Variants in DRICH1 observed in about 807,000 individuals in gnomAD.
DRICH1 encodes aspartate-rich protein 1.
DRICH1 carries 38 observed loss-of-function variants against 39.5 expected under a neutral mutation model. That is an observed-to-expected ratio of 0.96 (90% CI 0.74 to 1.26). The LOEUF is 1.26. DRICH1 is among the 50% of genes most tolerant of loss of function. The probability of loss-of-function intolerance (pLI) is 0.00; values close to 1 mark genes in which losing one functional copy is unlikely to be tolerated. For missense variants in DRICH1, 279 were observed against 270.4 expected, an observed-to-expected ratio of 1.03 and a Z score of -0.22; for synonymous variants, 84 against 99.5, an observed-to-expected ratio of 0.84 and a Z score of 0.93.
chr22:23,623,378 A>G (rs1198912856), intron 3 of DRICH1, among the ~76,000 whole-genome samples: 1 of 152,176 alleles, frequency 6.6e-6, no homozygotes, highest in Non-Finnish European at 1.5e-5. Context: ...GCACCCCAGT[A>G]TGGTGACAGA....
intron 1 of DRICH1, among the ~76,000 whole-genome samples, chr22:23,629,092 G>C (rs1209191654): frequency 1.3e-5 from 2 of 152,174 alleles, no homozygotes; most frequent in African/African-American, 4.8e-5. Flanking sequence ...AGGCTGGAGT[G>C]CAATGGCTCG....
At chr22:23,623,743 A>G (rs2123788653) in intron 3 of DRICH1, 1 of 162,488 alleles carries the variant, frequency 6.2e-6, no homozygotes, top group Non-Finnish European at 1.3e-5. Flanking sequence ...ATGAGATTGA[A>G]ATCTACAAAA....
chr22:23,617,703 T>A, intron 6 of DRICH1, 46 bp from the exon 7 acceptor site: 1 of 1,584,554 alleles, frequency 6.3e-7, no homozygotes, highest in African/African-American at 1.3e-5. Context: ...TGTTTGTGAC[T>A]GTGAGTCACT....
chr22:23,604,324 C>T (rs538217443), downstream of DRICH1, among the ~76,000 whole-genome samples: 4 of 152,242 alleles, frequency 2.6e-5, no homozygotes, highest in South Asian at 4.1e-4. Flanking sequence ...TGGGAGTCCC[C>T]TGCCAGGTGT....
chr22:23,600,057 T>C, the DRICH1 span, among the ~76,000 whole-genome samples: 3 of 152,092 alleles, frequency 2.0e-5, no homozygotes, highest in Non-Finnish European at 4.4e-5. Flanking sequence ...GACAGATATA[T>C]GGATGGACAG....
At chr22:23,619,503 A>G (rs1378207826) in intron 5 of DRICH1, 110 bp from the exon 6 acceptor site, 10 of 723,434 alleles carry the variant, frequency 1.4e-5, no homozygotes, top group Non-Finnish European at 1.8e-5. Context: ...CATTCATGAG[A>G]TTGAAATCTA....
At chr22:23,601,140 A>ACGCG in the DRICH1 span, among the ~76,000 whole-genome samples, 170 of 142,684 alleles carry the variant, frequency 1.2e-3, no homozygotes, top group African/African-American at 3.8e-3. Flanking sequence ...GACCTAACGC[A>ACGCG]CGCGCGCACA....
chr22:23,593,445 A>G, the DRICH1 span, among the ~76,000 whole-genome samples: 2 of 151,888 alleles, frequency 1.3e-5, no homozygotes, highest in African/African-American at 4.8e-5. Flanking sequence ...CGGGCAGATC[A>G]CCTGAGGTCA....
At chr22:23,606,768 C>A (rs1339420359), downstream of DRICH1, among the ~76,000 whole-genome samples, 1 of 152,182 alleles carries the variant, frequency 6.6e-6, no homozygotes, top group African/African-American at 2.4e-5. Flanking sequence ...ACGGCAGATG[C>A]CCCCTGAGAT....
chr22:23,632,462 T>A (rs574980171), upstream of DRICH1: 16 of 231,156 alleles, frequency 6.9e-5, no homozygotes, highest in East Asian at 6.6e-4. Flanking sequence ...TGCCTGTCCC[T>A]GCTGCTGCCC....
At chr22:23,611,529 C>T (rs1284595683) in intron 11 of DRICH1, among the ~76,000 whole-genome samples, 1 of 151,846 alleles carries the variant, frequency 6.6e-6, no homozygotes, top group African/African-American at 2.4e-5. Flanking sequence ...GTAGCTGGGA[C>T]TACAAGCGCC....
At position 23,631,164 on chromosome 22, in the gene DRICH1, A is replaced by G. The variant is rs375356108; in HGVS notation, c.208+652T>C. 5.3e-5 allele frequency among the ~76,000 whole-genome samples: 8 copies of G among 152,272 alleles called. 1 individual carries two copies. In the East Asian group the frequency reaches 1.5e-3, roughly 29 times the overall value. ...GCCGGGCGCGATGCCTCATGCCTGT[A>G]ATCACAGCACTTTGGGAGGCCGAGG... is the stretch of plus-strand genomic sequence containing the variant. On this transcript the variant is annotated intron_variant, in intron 1 of 11. Transcript: ENST00000317749.
intron 8 of DRICH1, among the ~76,000 whole-genome samples, chr22:23,616,372 T>G (rs1927347751): frequency 6.6e-6 from 1 of 152,160 alleles, no homozygotes. Context: ...AACATAGTAC[T>G]TCTCACCATG....
intron 6 of DRICH1, among the ~76,000 whole-genome samples, chr22:23,618,090 C>T (rs1266937545): frequency 1.3e-5 from 2 of 150,750 alleles, no homozygotes; most frequent in African/African-American, 2.4e-5. Flanking sequence ...ACCCAAATTA[C>T]TCTATTCTAT....
intron 3 of DRICH1, among the ~76,000 whole-genome samples, chr22:23,623,013 A>G (rs1484225910): frequency 6.6e-6 from 1 of 152,248 alleles, no homozygotes; most frequent in African/African-American, 2.4e-5. Flanking sequence ...AAATTCATTA[A>G]AAAATGTCCA....
intron 1 of DRICH1, chr22:23,630,507 T>C (rs566779548): frequency 1.3e-5 from 2 of 152,272 alleles, no homozygotes; most frequent in African/African-American, 4.8e-5. Flanking sequence ...TGTATGGTGG[T>C]GCTGAAGTTT....
downstream of DRICH1, among the ~76,000 whole-genome samples, chr22:23,606,542 C>T (rs749136604): frequency 5.9e-5 from 9 of 152,170 alleles, no homozygotes; most frequent in Admixed American, 2.0e-4. Context: ...ATCTCGGAGT[C>T]GAACCCAAGC....
At chr22:23,583,641 C>T in the DRICH1 span, among the ~76,000 whole-genome samples, 1 of 152,258 alleles carries the variant, frequency 6.6e-6, no homozygotes, top group East Asian at 1.9e-4. Flanking sequence ...CAGACAGCTC[C>T]CGATCCTCGG....
chr22:23,607,876 C>T (rs1926826046), downstream of DRICH1, among the ~76,000 whole-genome samples: 1 of 152,222 alleles, frequency 6.6e-6, no homozygotes, highest in Non-Finnish European at 1.5e-5. Context: ...CAAGGCTTTG[C>T]TCTGTTTGCT....
Sources: allele counts gnomAD v4.1 joint callset (sites outside exome capture counted in the v4.1 genomes callset), GRCh38; gene constraint gnomAD v4.1.1; transcripts MANE v1.5; gene names NCBI Gene and HGNC (gene_info 2026-07-23, HGNC 2026-07-21).